Variants in SLC36A3 observed in about 807,000 individuals in gnomAD.
The protein encoded by SLC36A3 is proton-coupled amino acid transporter 3.
In SLC36A3, 35 loss-of-function variants were observed where a neutral mutation model predicts 44.3. That is an observed-to-expected ratio of 0.79 (90% CI 0.60 to 1.05). The LOEUF is 1.05. Among genes scored for constraint, SLC36A3 ranks in the 50% least tolerant of loss-of-function variants. The probability of loss-of-function intolerance (pLI) is 0.00; values close to 1 mark genes in which losing one functional copy is unlikely to be tolerated. For synonymous variants in SLC36A3, 211 were observed against 227.6 expected (o/e 0.93, Z 0.66); for missense variants, 540 against 578.7 (o/e 0.93, Z 0.69).
chr5:151,289,715 G>A (rs1252715171), intron 4 of SLC36A3, among the ~76,000 whole-genome samples: 1 of 152,092 alleles, frequency 6.6e-6, no homozygotes, highest in Non-Finnish European at 1.5e-5. Context: ...TTGTATGATT[G>A]CTTCCTCGTG....
At chr5:151,300,075 C>T (rs545813450) in intron 1 of SLC36A3, among the ~76,000 whole-genome samples, 1 of 152,158 alleles carries the variant, frequency 6.6e-6, no homozygotes, top group African/African-American at 2.4e-5. Flanking sequence ...CAAAAGGGTA[C>T]CTTGAAGATG....
At chr5:151,281,888 A>G (rs1754330768) in intron 8 of SLC36A3, among the ~76,000 whole-genome samples, 1 of 152,148 alleles carries the variant, frequency 6.6e-6, no homozygotes, top group South Asian at 2.1e-4. Context: ...TCATACAGTG[A>G]AAAGCATTCT....
Position 151,296,241 on chromosome 5 carries a change from C to T in SLC36A3, c.247G>A (p.Gly83Arg), listed in dbSNP as rs147911523. Residue 83 changes from glycine (G) to arginine (R), a missense_variant, in exon 3 of 10, where the codon GGG (glycine) becomes AGG (arginine). Gly to Arg is a moderately radical substitution (Grantham distance 125). Transcript: ENST00000335230. Reference protein sequence around the residue: ...LVGPVSLLAIGVLTVHCMVIL... With the variant: ...LVGPVSLLAIRVLTVHCMVIL... ...ACCATGCAGTGCACGGTGAGGACCC[C>T]GATGGCCAGAAGGCTGACAGGACCG... 1.2e-5 allele frequency: 19 copies of T among 1,613,986 alleles called. No individual in the cohort carries two copies. The highest frequency in any genetic ancestry group is 4.4e-5 in the South Asian group (4 of 91,076).
chr5:151,281,565 C>G (rs958591213), intron 8 of SLC36A3, among the ~76,000 whole-genome samples: 6 of 152,142 alleles, frequency 3.9e-5, no homozygotes, highest in Non-Finnish European at 8.8e-5. Flanking sequence ...CGCTTGTAAT[C>G]GCAGCAGTTT....
In SLC36A3 at chr5:151,298,602, G is replaced by C; in HGVS notation, c.210C>G (p.Ala70=). 6.2e-7 allele frequency: 1 copy of C among 1,614,094 alleles called. No homozygotes were observed. The highest frequency in any genetic ancestry group is 8.5e-7 in the Non-Finnish European group (1 of 1,180,000). The change falls in exon 2 of 10, where the codon GCC becomes GCG. Residue 70 remains alanine (A), a synonymous_variant. Coordinates refer to ENST00000335230, the MANE Select transcript of SLC36A3 (RefSeq NM_181774.4). ...LLGLPLAIKN[A]GLLVGPVSLL... ...CACAGATGCCTCTTACCAACAAGCCGGCATTCTTTATGGCCAGGGGAAGCC... is the reference window on the plus strand; with the variant it reads ...CACAGATGCCTCTTACCAACAAGCCCGCATTCTTTATGGCCAGGGGAAGCC...
chr5:151,303,635 C>A lies in SLC36A3; in HGVS notation c.-281G>T, dbSNP rs1755240505. On this transcript the variant is annotated 5_prime_UTR_variant, in exon 1 of 10. Coordinates refer to ENST00000335230, the MANE Select transcript of SLC36A3 (RefSeq NM_181774.4). ...TTTCACTCGCAATTGCTTGCCCAACCAGGACTTGCCTGGGCTTTTGGCCTC... is the reference window on the plus strand; with the variant it reads ...TTTCACTCGCAATTGCTTGCCCAACAAGGACTTGCCTGGGCTTTTGGCCTC... The A allele has an allele frequency of 5.7e-6, 2 of 352,610 alleles. No individual in the cohort carries two copies. Among genetic ancestry groups the A allele is most frequent in the African/African-American group, 2.1e-5 (1 of 48,648 alleles). 21.8% of individuals were successfully genotyped at this position (352,610 alleles called of 1,614,324 possible).
At chr5:151,281,392 CTAA>C (rs1197292339) in intron 8 of SLC36A3, among the ~76,000 whole-genome samples, 20 of 152,304 alleles carry the variant, frequency 1.3e-4, no homozygotes, top group African/African-American at 4.8e-4. Context: ...ATAGAACTGG[CTAA>C]TGTTAGATGA....
intron 6 of SLC36A3, among the ~76,000 whole-genome samples, chr5:151,286,200 C>T (rs1754528682): frequency 6.6e-6 from 1 of 152,206 alleles, no homozygotes; most frequent in Non-Finnish European, 1.5e-5. Flanking sequence ...TCCTTGGTCT[C>T]CATGGGAGAA....
chr5:151,297,511 G>T (rs1754997669), intron 2 of SLC36A3: 1 of 152,200 alleles, frequency 6.6e-6, no homozygotes, highest in Non-Finnish European at 1.5e-5. Flanking sequence ...CAAGGAAATG[G>T]AATTATATAT....
In SLC36A3 at chr5:151,281,112, G is replaced by A; in HGVS notation, c.1046C>T (p.Pro349Leu). The change falls in exon 9 of 10, where the codon CCA (proline) becomes CTA (leucine). Residue 349 changes from proline (P) to leucine (L), a missense_variant. Coordinates refer to ENST00000335230, the MANE Select transcript of SLC36A3 (RefSeq NM_181774.4). ...GGCAAACGGGATGATGATCTCAGCTGGGACGTGGAACTGGAGGGCATAGGT... is the reference window on the plus strand; with the variant it reads ...GGCAAACGGGATGATGATCTCAGCTAGGACGTGGAACTGGAGGGCATAGGT... Reference protein sequence around the residue: ...FFTYALQFHVPAEIIIPFAIS... With the variant: ...FFTYALQFHVLAEIIIPFAIS... The A allele has an allele frequency of 6.2e-7, 1 of 1,614,150 alleles. No homozygotes were observed.
At chr5:151,293,966 CT>C (rs1454814898) in intron 3 of SLC36A3, among the ~76,000 whole-genome samples, 2 of 152,246 alleles carry the variant, frequency 1.3e-5, no homozygotes, top group Admixed American at 1.3e-4. Context: ...TTTCTCAACC[CT>C]TTTAAGGGTG....
intron 9 of SLC36A3, among the ~76,000 whole-genome samples, chr5:151,280,562 G>A (rs1005518376): frequency 3.3e-5 from 5 of 152,208 alleles, no homozygotes; most frequent in Admixed American, 2.6e-4. Context: ...CATAATTTAT[G>A]ATAAGAAGAA....
chr5:151,299,264 C>CTCTCTCTCTATATATA (rs1372309288), intron 1 of SLC36A3, among the ~76,000 whole-genome samples: 48 of 59,642 alleles, frequency 8.0e-4, no homozygotes, highest in East Asian at 2.4e-3. Context: ...CTCTCTCTCT[C>CTCTCTCTCTATATATA]TATATATATA....
chr5:151,299,250 C>CTATATA (rs1291436379), intron 1 of SLC36A3, among the ~76,000 whole-genome samples: 84 of 96,026 alleles, frequency 8.7e-4, no homozygotes, highest in Non-Finnish European at 1.3e-3. Flanking sequence ...CTCTCTCTCT[C>CTATATA]TCTCTCTCTC....
chr5:151,279,030 C>T (rs1754209715), intron 9 of SLC36A3, among the ~76,000 whole-genome samples: 1 of 152,188 alleles, frequency 6.6e-6, no homozygotes, highest in Non-Finnish European at 1.5e-5. Context: ...AAAGCTCTGA[C>T]CTCATCTCTC....
chr5:151,285,988 A>G (rs1754522856), intron 6 of SLC36A3, among the ~76,000 whole-genome samples: 1 of 152,200 alleles, frequency 6.6e-6, no homozygotes, highest in Non-Finnish European at 1.5e-5. Flanking sequence ...TCAAGCCACT[A>G]GATTTGTGGT....
chr5:151,298,773 C>A, intron 1 of SLC36A3, 90 bp from the exon 2 acceptor site: 1 of 1,348,638 alleles, frequency 7.4e-7, no homozygotes, highest in Non-Finnish European at 1.0e-6. Context: ...ATCTCCAGAG[C>A]GCCTGATAGG....
At position 151,303,211 on chromosome 5, in the gene SLC36A3, C is replaced by T. The variant is rs774461975; in HGVS notation, c.128+16G>A. ...GTGCTTGACCTCAGGCCTGGAAGGG[C>T]GGTGCGGCCACTTACGATAGTCCAG... On this transcript the variant is annotated intron_variant, in intron 1 of 9. Transcript: ENST00000335230. 6.9e-6 allele frequency: 11 copies of T among 1,604,902 alleles called. No individual in the cohort carries two copies. Among genetic ancestry groups the T allele is most frequent in the African/African-American group, 5.3e-5 (4 of 74,792 alleles).
chr5:151,290,804 A>G (rs1754730501), intron 4 of SLC36A3, among the ~76,000 whole-genome samples: 2 of 152,072 alleles, frequency 1.3e-5, no homozygotes, highest in Non-Finnish European at 2.9e-5. Context: ...CTGAGGCAGG[A>G]GAATGGCATG....
Sources: gnomAD v4.1 joint callset for allele counts (sites outside exome capture counted in the v4.1 genomes callset) on GRCh38, gnomAD v4.1.1 for gene constraint, MANE v1.5 for transcripts, NCBI Gene and HGNC (gene_info 2026-07-23, HGNC 2026-07-21) for gene names.